CDKL1: variants seen among roughly 807,000 people sequenced by gnomAD.
CDKL1 encodes the protein cyclin dependent kinase like 1, also known as cyclin-dependent kinase-like 1.
In CDKL1, 41 loss-of-function variants were observed where a neutral mutation model predicts 42.0. The ratio of observed to expected loss-of-function variants is 0.98; its 90% CI spans 0.76 to 1.27. The LOEUF (loss-of-function observed/expected upper bound fraction) is 1.27. Among genes scored for constraint, CDKL1 ranks in the 50% most tolerant of loss-of-function variants. The pLI, the probability that CDKL1 is intolerant of heterozygous loss-of-function variation, is 0.00. For synonymous variants in CDKL1, 153 were observed against 158.6 expected, an observed-to-expected ratio of 0.96 and a Z score of 0.26; for missense variants, 394 against 428.4, an observed-to-expected ratio of 0.92 and a Z score of 0.71.
At position 50,360,155 on chromosome 14, in the gene CDKL1, A is replaced by G. The variant is rs189164322; in HGVS notation, c.169-1006T>C. ...TTTTCCATAAGAATTTTACAATCAA[A>G]TGTTGTTTTATCGCATTAACTTTCC... On this transcript the variant is annotated intron_variant, in intron 2 of 9. Transcript: ENST00000395834. Among the ~76,000 whole-genome samples, 17 of 152,250 alleles carry G rather than the reference A, an allele frequency of 1.1e-4. No homozygotes were observed. The East Asian group carries it at 2.9e-3, about 26-fold the overall frequency.
intron 2 of CDKL1, chr14:50,363,038 C>A: frequency 2.3e-6 from 1 of 438,936 alleles, no homozygotes; most frequent in Non-Finnish European, 4.9e-6. Context: ...CACGAACCCA[C>A]TGGGAGGAAA....
intron 7 of CDKL1, among the ~76,000 whole-genome samples, chr14:50,337,824 G>T (rs1003180644): frequency 6.6e-6 from 1 of 151,088 alleles, no homozygotes; most frequent in Non-Finnish European, 1.5e-5. Flanking sequence ...GTGACTACAG[G>T]TGCGTGCCAC....
chr14:50,364,411 G>A (rs1158651469), intron 2 of CDKL1, among the ~76,000 whole-genome samples: 1 of 152,236 alleles, frequency 6.6e-6, no homozygotes, highest in Non-Finnish European at 1.5e-5. Context: ...AGAGGTTGCA[G>A]TGAGCCCAGA....
chr14:50,385,015 G>A (rs1455530725), intron 2 of CDKL1, among the ~76,000 whole-genome samples: 1 of 143,516 alleles, frequency 7.0e-6, no homozygotes, highest in African/African-American at 2.6e-5. Context: ...AGGTTGCAGT[G>A]AGCCAAGATC....
intron 3 of CDKL1, among the ~76,000 whole-genome samples, chr14:50,355,798 T>C (rs1229090003): frequency 6.6e-6 from 1 of 152,112 alleles, no homozygotes; most frequent in Non-Finnish European, 1.5e-5. Flanking sequence ...GTCTTCCAGG[T>C]ACAATAGAGA....
chr14:50,359,683 C>G (rs1032244543), intron 2 of CDKL1, among the ~76,000 whole-genome samples: 3 of 150,052 alleles, frequency 2.0e-5, no homozygotes, highest in African/African-American at 7.4e-5. Flanking sequence ...GGTCTGTGTT[C>G]TTTTGTTTAT....
intron 2 of CDKL1, among the ~76,000 whole-genome samples, chr14:50,360,869 A>G (rs1034938992): frequency 6.6e-6 from 1 of 151,856 alleles, no homozygotes; most frequent in African/African-American, 2.4e-5. Flanking sequence ...AGGCTCACCC[A>G]AGTGGTAGCA....
intron 3 of CDKL1, among the ~76,000 whole-genome samples, chr14:50,352,287 A>G (rs2033926286): frequency 6.6e-6 from 1 of 152,134 alleles, no homozygotes. Flanking sequence ...GAATTCATAC[A>G]TCAAATATTT....
intron 2 of CDKL1, among the ~76,000 whole-genome samples, chr14:50,366,547 A>G (rs2034441462): frequency 6.6e-6 from 1 of 152,212 alleles, no homozygotes; most frequent in Non-Finnish European, 1.5e-5. Context: ...GCAAGACGTG[A>G]TATGATACCA....
intron 2 of CDKL1, among the ~76,000 whole-genome samples, chr14:50,382,179 G>A (rs1387197770): frequency 1.3e-5 from 2 of 152,182 alleles, no homozygotes; most frequent in South Asian, 2.1e-4. Context: ...AAGGCCGGGC[G>A]CGGTGGCTGA....
In CDKL1 at chr14:50,342,234, A is replaced by G; in HGVS notation, c.364-12T>C. The G allele has an allele frequency of 6.2e-7, 1 of 1,606,558 alleles. No individual in the cohort carries two copies. The highest frequency in any genetic ancestry group is 8.5e-7 in the Non-Finnish European group (1 of 1,173,252). ...TCTCTATGTATGCACTAGTGTAACA[A>G]ATCAAAACAAAAACAATATTAAGGC... is the stretch of plus-strand genomic sequence containing the variant. On this transcript the variant is annotated splice_polypyrimidine_tract_variant and intron_variant, in intron 4 of 9. Coordinates refer to ENST00000395834, the MANE Select transcript of CDKL1 (RefSeq NM_004196.7).
intron 2 of CDKL1, chr14:50,378,463 G>A: frequency 7.3e-7 from 1 of 1,361,446 alleles, no homozygotes; most frequent in Non-Finnish European, 9.8e-7. Flanking sequence ...TAATATGAGA[G>A]CACTACACTG....
intron 2 of CDKL1, among the ~76,000 whole-genome samples, chr14:50,383,719 CTG>C (rs951118110): frequency 1.3e-5 from 2 of 152,182 alleles, no homozygotes; most frequent in Admixed American, 1.3e-4. Context: ...TCCTCTTGCT[CTG>C]TGACATTTGT....
rs200588970 is a variant in CDKL1 at position 50,344,466 on chromosome 14, T to TG, written c.363+519dup. On this transcript the variant is annotated intron_variant, in intron 4 of 9. Transcript: ENST00000395834. Reference sequence around the variant, plus strand: ...TGTATGACTAATTTTTTGTTCTTTGTGGTTTTTTTTTTTTTTTTTTTGAGA... The same window carrying TG: ...TGTATGACTAATTTTTTGTTCTTTGTGGGTTTTTTTTTTTTTTTTTTTGAGA... 5.8e-3 allele frequency among the ~76,000 whole-genome samples: 306 copies of TG among 52,540 alleles called. 2 individuals are homozygous for TG. The highest frequency in any genetic ancestry group is 0.022 in the African/African-American group (265 of 11,964). 34.5% of individuals were successfully genotyped at this position (52,540 alleles called of 152,430 possible). A position where few individuals can be genotyped will look rare whatever the true frequency, so the allele number is the denominator to read the frequency against.
At chr14:50,363,840 C>G (rs887909885) in intron 2 of CDKL1, 4 of 152,352 alleles carry the variant, frequency 2.6e-5, no homozygotes, top group African/African-American at 9.6e-5. Flanking sequence ...TTGGCCTCTG[C>G]TTACCTCTCC....
upstream of CDKL1, chr14:50,397,103 C>A: frequency 7.4e-7 from 1 of 1,360,160 alleles, no homozygotes; most frequent in Non-Finnish European, 9.8e-7. Context: ...GCTAGATTTG[C>A]AAACTTCCGC....
In CDKL1 at chr14:50,339,062, T is replaced by C. The variant is rs769207625; in HGVS notation, c.656-33A>G. The stretch of plus-strand genomic sequence containing the variant: ...CAAGAAAAGAAAAAGGTAAGTGAAA[T>C]TGGTTAGCAAACACTGATCTATGGT... On this transcript the variant is annotated intron_variant, in intron 6 of 9. Transcript: ENST00000395834. The C allele has an allele frequency of 2.8e-6, 4 of 1,420,430 alleles. No individual in the cohort carries two copies. In the South Asian group the frequency reaches 4.6e-5, roughly 16 times the overall value. The allele number at this position is 1,420,430 out of a possible 1,614,324, so 88.0% of individuals were successfully genotyped here.
At position 50,329,036 on chromosome 14, in the gene CDKL1, C is replaced by CATATATAT. The variant is rs57657571; in HGVS notation, c.*1030_*1037dup. 4.0e-3 allele frequency: 568 copies of CATATATAT among 140,544 alleles called. 2 individuals are homozygous for CATATATAT. The highest frequency in any genetic ancestry group is 9.3e-3 in the African/African-American group (353 of 38,124). The allele number at this position is 140,544 out of a possible 1,614,324, so 8.7% of individuals were successfully genotyped here. ...TGTAATATATTAGTTGTTAGAATAG[C>CATATATAT]ATATATATATATATATATATATATA... On this transcript the variant is annotated 3_prime_UTR_variant, in exon 10 of 10. Transcript: ENST00000395834.
intron 4 of CDKL1, chr14:50,343,190 AC>A: frequency 2.2e-6 from 1 of 448,602 alleles, no homozygotes; most frequent in Non-Finnish European, 3.6e-6. Context: ...GGGTCAAAAT[AC>A]TGCTCAGGGT....
Sources: allele counts gnomAD v4.1 joint callset (sites outside exome capture counted in the v4.1 genomes callset), GRCh38; gene constraint gnomAD v4.1.1; transcripts MANE v1.5; gene names NCBI Gene and HGNC (gene_info 2026-07-23, HGNC 2026-07-21).